Variants in MEMO1 observed in about 807,000 individuals in gnomAD.
MEMO1 encodes the protein protein MEMO1.
A neutral mutation model predicts 45.2 loss-of-function variants in MEMO1; 6 were observed. The ratio of observed to expected loss-of-function variants is 0.13; its 90% CI spans 0.07 to 0.26. The LOEUF is 0.26. Ranked by LOEUF, MEMO1 falls within the 10% of genes least tolerant of loss-of-function variation. The pLI is 1.00. For synonymous variants in MEMO1, 78 were observed against 124.3 expected (o/e 0.63, Z 2.48); for missense variants, 184 against 370.5 (o/e 0.50, Z 4.13).
intron 2 of MEMO1, among the ~76,000 whole-genome samples, chr2:31,980,133 G>C (rs1225414595): frequency 6.6e-6 from 1 of 152,044 alleles, no homozygotes; most frequent in Non-Finnish European, 1.5e-5. Context: ...CATTAGCAAG[G>C]AAATTTTAAA....
In MEMO1 at chr2:31,965,807, T is replaced by C. The variant is rs565207857; in HGVS notation, c.62-22424A>G. Among the ~76,000 whole-genome samples, 9 of 152,020 alleles carry C rather than the reference T, an allele frequency of 5.9e-5. No individual in the cohort carries two copies. In the South Asian group the frequency reaches 8.3e-4, roughly 14 times the overall value. On this transcript the variant is annotated intron_variant, in intron 2 of 9. Coordinates refer to ENST00000404530, the MANE Select transcript of MEMO1 (RefSeq NM_001301833.4). ...GACACAGGGAGGGGAACAAACACAC[T>C]GTGGCCTGTCAGGGGGTTGTGGGAG...
intron 6 of MEMO1, among the ~76,000 whole-genome samples, chr2:31,898,182 T>C (rs1186538109): frequency 6.7e-6 from 1 of 149,808 alleles, no homozygotes; most frequent in Non-Finnish European, 1.5e-5. Context: ...GATTCAATGA[T>C]TTTTTTGAAG....
At chr2:31,946,242 T>C (rs1338448635) in intron 2 of MEMO1, among the ~76,000 whole-genome samples, 1 of 152,226 alleles carries the variant, frequency 6.6e-6, no homozygotes, top group African/African-American at 2.4e-5. Context: ...AAATGGTATA[T>C]ATTCCTTGTT....
chr2:32,002,168 A>ATATAT (rs869306675), intron 2 of MEMO1, among the ~76,000 whole-genome samples: 9 of 74,896 alleles, frequency 1.2e-4, no homozygotes, highest in East Asian at 5.6e-4. Context: ...AAAAAAAAAA[A>ATATAT]ATATATATAT....
At chr2:31,968,582 C>T (rs1432110061) in intron 2 of MEMO1, among the ~76,000 whole-genome samples, 1 of 152,142 alleles carries the variant, frequency 6.6e-6, no homozygotes, top group Non-Finnish European at 1.5e-5. Context: ...GACAAGTCCC[C>T]CAAGAAGTGT....
intron 2 of MEMO1, among the ~76,000 whole-genome samples, chr2:31,980,022 A>G (rs1410655109): frequency 6.6e-6 from 1 of 151,904 alleles, no homozygotes; most frequent in African/African-American, 2.4e-5. Flanking sequence ...AAAAAAAAAA[A>G]AGAAAGAAAA....
chr2:31,959,783 G>C (rs1454609980), intron 2 of MEMO1, among the ~76,000 whole-genome samples: 1 of 10,016 alleles, frequency 1.0e-4, no homozygotes, highest in Non-Finnish European at 4.7e-4. Context: ...ATCAGCAATT[G>C]TATTTTTTAT....
intron 3 of MEMO1, among the ~76,000 whole-genome samples, chr2:31,936,340 G>A (rs1016848062): frequency 4.6e-5 from 7 of 152,160 alleles, no homozygotes; most frequent in Non-Finnish European, 1.0e-4. Flanking sequence ...AAGTCACTCT[G>A]ATTCCCAACC....
At position 31,910,116 on chromosome 2, in the gene MEMO1, G is replaced by A. The variant is rs535274016; in HGVS notation, c.437+7810C>T. On this transcript the variant is annotated intron_variant, in intron 6 of 9. Transcript: ENST00000404530. ...AGTGATAAAATAAAGTGCTGATAGC[G>A]AAAGAAAAAAACCCACTAATTTAGA... Among the ~76,000 whole-genome samples, 34 of 151,876 alleles carry A rather than the reference G, an allele frequency of 2.2e-4. No individual in the cohort carries two copies. In the South Asian group the frequency reaches 3.5e-3, roughly 16 times the overall value.
chr2:31,946,355 T>C lies in MEMO1; in HGVS notation c.62-2972A>G, dbSNP rs1666196657. On this transcript the variant is annotated intron_variant, in intron 2 of 9. Transcript: ENST00000404530. ...ACACATAAACAGGTCAAGTTTAAAA[T>C]GGACAGTAAATTTGTAAATTCCCAA... is the stretch of plus-strand genomic sequence containing the variant. 2.6e-5 allele frequency among the ~76,000 whole-genome samples: 4 copies of C among 152,226 alleles called. No homozygotes were observed. In the South Asian group the frequency reaches 8.3e-4, roughly 32 times the overall value.
intron 6 of MEMO1, among the ~76,000 whole-genome samples, chr2:31,903,902 G>A (rs1051952109): frequency 5.9e-5 from 9 of 152,140 alleles, no homozygotes; most frequent in African/African-American, 1.4e-4. Flanking sequence ...TTTATTCTAC[G>A]TCCAGAGAGA....
At chr2:31,963,392 C>T (rs1668250215) in intron 2 of MEMO1, 1 of 1,063,476 alleles carries the variant, frequency 9.4e-7, no homozygotes, top group East Asian at 3.2e-5. Context: ...GACTAATACT[C>T]CAAGAAGCAA....
intron 2 of MEMO1, among the ~76,000 whole-genome samples, chr2:31,968,084 C>CA (rs1446786143): frequency 3.3e-5 from 5 of 152,090 alleles, no homozygotes; most frequent in African/African-American, 1.2e-4. Flanking sequence ...CTGTGTGTCT[C>CA]AATCTGTAGG....
At chr2:31,881,495 T>TTA (rs771826361) in intron 8 of MEMO1, among the ~76,000 whole-genome samples, 1 of 68,430 alleles carries the variant, frequency 1.5e-5, no homozygotes, top group Admixed American at 2.1e-4. Flanking sequence ...AGCCTGTCTT[T>TTA]AAAAAAAAAA....
At chr2:31,935,112 G>GT (rs1664758981) in intron 3 of MEMO1, among the ~76,000 whole-genome samples, 2 of 152,106 alleles carry the variant, frequency 1.3e-5, no homozygotes, top group African/African-American at 4.8e-5. Flanking sequence ...TATTATTATT[G>GT]TCATTTTACA....
chr2:31,978,563 G>C (rs548690534), intron 2 of MEMO1, among the ~76,000 whole-genome samples: 1 of 152,270 alleles, frequency 6.6e-6, no homozygotes, highest in African/African-American at 2.4e-5. Context: ...TTCCCGAGTA[G>C]CTAGGACTAC....
chr2:31,920,140 C>T (rs1433647553), intron 5 of MEMO1, among the ~76,000 whole-genome samples: 1 of 151,442 alleles, frequency 6.6e-6, no homozygotes, highest in Non-Finnish European at 1.5e-5. Flanking sequence ...ACTCTTTATA[C>T]TGTTCTATAT....
At chr2:31,941,427 C>T (rs111909465) in intron 3 of MEMO1, among the ~76,000 whole-genome samples, 1 of 152,198 alleles carries the variant, frequency 6.6e-6, no homozygotes, top group African/African-American at 2.4e-5. Flanking sequence ...TACTGTCACT[C>T]TCAATCCTCT....
At chr2:31,952,598 C>T (rs146170278) in intron 2 of MEMO1, among the ~76,000 whole-genome samples, 2 of 152,312 alleles carry the variant, frequency 1.3e-5, no homozygotes, top group Admixed American at 1.3e-4. Context: ...CCCCTATTCA[C>T]TGTTTATAAA....
Sources: allele counts gnomAD v4.1 joint callset (sites outside exome capture counted in the v4.1 genomes callset), GRCh38; gene constraint gnomAD v4.1.1; transcripts MANE v1.5; gene names NCBI Gene and HGNC (gene_info 2026-07-23, HGNC 2026-07-21).